Variants in BLNK observed in about 807,000 individuals in gnomAD.
BLNK encodes the protein B cell linker.
Under a neutral mutation model 73.5 loss-of-function variants are expected in BLNK, and 29 were observed. The observed-to-expected ratio is 0.39, with a 90% CI of 0.29 to 0.54. The LOEUF (loss-of-function observed/expected upper bound fraction) is 0.54. Among genes scored for constraint, BLNK ranks in the 20% least tolerant of loss-of-function variants. The probability of loss-of-function intolerance (pLI) is 0.61; values close to 1 mark genes in which losing one functional copy is unlikely to be tolerated. For missense variants in BLNK, 460 were observed against 562.8 expected (o/e 0.82, Z 1.85); for synonymous variants, 176 against 200.8 (o/e 0.88, Z 1.04).
In BLNK at chr10:96,236,112, C is replaced by G. The variant is rs913646203; in HGVS notation, c.164-5278G>C. Among the ~76,000 whole-genome samples, 7 of 152,214 alleles carry G rather than the reference C, an allele frequency of 4.6e-5. No homozygotes were observed. In the South Asian group the frequency reaches 1.5e-3, roughly 32 times the overall value. ...GGGGCAAAGGGAGTATGAATCCAGCCTCTCAGTTCTGAGTCAATAGGAGCA... is the reference window on the plus strand; with the variant it reads ...GGGGCAAAGGGAGTATGAATCCAGCGTCTCAGTTCTGAGTCAATAGGAGCA... On this transcript the variant is annotated intron_variant, in intron 3 of 16. Transcript: ENST00000224337.
At chr10:96,247,070 CATAAG>C in intron 1 of BLNK, 21 bp from the exon 2 acceptor site, 1 of 1,546,950 alleles carries the variant, frequency 6.5e-7, no homozygotes. Flanking sequence ...CAAAATTAAA[CATAAG>C]ATATTAATAA....
rs1244464093 is a variant in BLNK at position 96,189,505 on chromosome 10, T to C, written c.*2468A>G. The C allele has an allele frequency of 1.2e-5, 8 of 641,288 alleles. No homozygotes were observed. The Admixed American group carries it at 1.3e-4, about 10-fold the overall frequency. 39.7% of individuals were successfully genotyped at this position (641,288 alleles called of 1,614,324 possible). ...ATACTTGCTTGCATTTTTGATTTAA[T>C]GTCTTCTACAGAACTAGGCCCTTTT... On this transcript the variant is annotated 3_prime_UTR_variant, in exon 17 of 17. Coordinates refer to ENST00000224337, the MANE Select transcript of BLNK (RefSeq NM_013314.4).
intron 8 of BLNK, among the ~76,000 whole-genome samples, chr10:96,211,595 A>T (rs1175115185): frequency 6.6e-6 from 1 of 152,198 alleles, no homozygotes; most frequent in African/African-American, 2.4e-5. Context: ...AACAGCAAAG[A>T]GTGGGTGGTG....
At chr10:96,226,682 A>G (rs1387780889) in intron 5 of BLNK, among the ~76,000 whole-genome samples, 3 of 152,024 alleles carry the variant, frequency 2.0e-5, no homozygotes, top group Non-Finnish European at 4.4e-5. Context: ...CTCTACTAAA[A>G]ATACAAAAGT....
chr10:96,192,287 G>A (rs1489129926), intron 16 of BLNK, among the ~76,000 whole-genome samples, 195 bp from the exon 17 acceptor site: 1 of 152,038 alleles, frequency 6.6e-6, no homozygotes, highest in Non-Finnish European at 1.5e-5. Context: ...TATTAAGTAC[G>A]AAGAAAAACA....
chr10:96,203,813 G>C, intron 13 of BLNK: 1 of 353,782 alleles, frequency 2.8e-6, no homozygotes, highest in African/African-American at 2.1e-5. Flanking sequence ...AAGGATGCAT[G>C]ATCAGTAAAA....
intron 3 of BLNK, among the ~76,000 whole-genome samples, chr10:96,232,321 T>C (rs1163681664): frequency 7.9e-6 from 1 of 125,928 alleles, no homozygotes; most frequent in Non-Finnish European, 1.8e-5. Context: ...TATTCCCCGC[T>C]GAGTAGCCAC....
intron 4 of BLNK, 138 bp from the exon 5 acceptor site, chr10:96,227,704 C>A: frequency 7.5e-7 from 1 of 1,336,900 alleles, no homozygotes; most frequent in Non-Finnish European, 1.1e-6. Flanking sequence ...GGCTAGGCAG[C>A]CGATAAGAGG....
At chr10:96,251,355 C>A (rs1183027357) in intron 1 of BLNK, among the ~76,000 whole-genome samples, 1 of 152,202 alleles carries the variant, frequency 6.6e-6, no homozygotes, top group Non-Finnish European at 1.5e-5. Context: ...CTCCTTATTA[C>A]AACTTATAGC....
intron 4 of BLNK, 69 bp downstream of exon 4, chr10:96,230,725 G>A: frequency 6.5e-7 from 1 of 1,528,888 alleles, no homozygotes; most frequent in Non-Finnish European, 8.9e-7. Flanking sequence ...ATGTAATTCA[G>A]AAATAAGATC....
At chr10:96,219,320 G>A (rs1382358436) in intron 6 of BLNK, among the ~76,000 whole-genome samples, 2 of 152,188 alleles carry the variant, frequency 1.3e-5, no homozygotes, top group African/African-American at 2.4e-5. Context: ...GGACCTTTTT[G>A]GTTCTATGGG....
At chr10:96,254,307 G>A (rs992713407) in intron 1 of BLNK, among the ~76,000 whole-genome samples, 1 of 152,158 alleles carries the variant, frequency 6.6e-6, no homozygotes, top group South Asian at 2.1e-4. Flanking sequence ...TTTCAACAAG[G>A]GGAAGACAGC....
chr10:96,207,263 A>G (rs1261665001), intron 10 of BLNK, among the ~76,000 whole-genome samples: 2 of 152,202 alleles, frequency 1.3e-5, no homozygotes, highest in African/African-American at 4.8e-5. Flanking sequence ...TGAAGGAGCA[A>G]TGTCACTGTG....
rs117416075 is a variant in BLNK at position 96,195,517 on chromosome 10, A to T, written c.1251+1391T>A. Among the ~76,000 whole-genome samples, 142 of 152,374 alleles carry T rather than the reference A, an allele frequency of 9.3e-4. 2 individuals are homozygous for T. The East Asian group carries it at 0.022, about 24-fold the overall frequency. ...AATCCTAACACATGCTACAACATGG[A>T]TGAGTCTCAAGGACATCATGCTAAG... is the stretch of plus-strand genomic sequence containing the variant. On this transcript the variant is annotated intron_variant, in intron 16 of 16. Coordinates refer to ENST00000224337, the MANE Select transcript of BLNK (RefSeq NM_013314.4).
chr10:96,250,033 T>C lies in BLNK; in HGVS notation c.48-2984A>G, dbSNP rs147276295. ...ACTGAGGGACCCACGTTCAAATGTA[T>C]GTGTCAGGGGTCTGGTGCCAAGTCA... On this transcript the variant is annotated intron_variant, in intron 1 of 16. Coordinates refer to ENST00000224337, the MANE Select transcript of BLNK (RefSeq NM_013314.4). Among the ~76,000 whole-genome samples, 158 of 152,288 alleles carry C rather than the reference T, an allele frequency of 1.0e-3. No individual in the cohort carries two copies. The Middle Eastern group carries it at 0.017, about 16-fold the overall frequency.
chr10:96,223,960 G>A lies in BLNK; in HGVS notation c.391C>T (p.Pro131Ser), dbSNP rs372022582. The change falls in exon 6 of 17, where the codon CCC becomes TCC. Residue 131 changes from proline (P) to serine (S), a missense_variant. This residue lies in a region of BLNK where 139 missense variants were observed against 187.3 expected (regional missense o/e 0.74). Coordinates refer to ENST00000224337, the MANE Select transcript of BLNK (RefSeq NM_013314.4). ...DNRSSQRHSP[P>S]FSKTLPSKPS... ...TTACTGGGAAGTGTCTTGCTGAAGG[G>A]TGGGGAATGCCTCTGGCTTGATCGA... 6.2e-7 allele frequency: 1 copy of A among 1,613,182 alleles called. No homozygotes were observed. Among genetic ancestry groups the A allele is most frequent in the Non-Finnish European group, 8.5e-7 (1 of 1,180,006 alleles).
intron 3 of BLNK, among the ~76,000 whole-genome samples, chr10:96,236,507 A>G (rs587602021): frequency 5.9e-5 from 9 of 152,240 alleles, no homozygotes; most frequent in African/African-American, 1.9e-4. Context: ...TGGCTGAGAG[A>G]GGTGTTCTGA....
chr10:96,195,667 CTGT>C (rs2083447312), intron 16 of BLNK, among the ~76,000 whole-genome samples: 1 of 152,120 alleles, frequency 6.6e-6, no homozygotes, highest in South Asian at 2.1e-4. Flanking sequence ...AAAAGGGAAA[CTGT>C]TGTTCAGTGG....
chr10:96,199,373 G>A (rs2083565254), intron 15 of BLNK: 1 of 283,220 alleles, frequency 3.5e-6, no homozygotes, highest in Non-Finnish European at 7.5e-6. Context: ...TTGTTTGTTT[G>A]TTTGCCATCT....
Sources: gnomAD v4.1 joint callset for allele counts (sites outside exome capture counted in the v4.1 genomes callset) on GRCh38, gnomAD v4.1.1 for gene constraint, gnomAD v4.1.1 regional missense constraint, MANE v1.5 for transcripts, NCBI Gene and HGNC (gene_info 2026-07-23, HGNC 2026-07-21) for gene names.